Variants in ZZZ3 observed in about 807,000 individuals in gnomAD.
ZZZ3 encodes zinc finger ZZ-type containing 3, also known as ZZ-type zinc finger-containing protein 3.
Under a neutral mutation model 95.2 loss-of-function variants are expected in ZZZ3, and 22 were observed. The observed-to-expected ratio is 0.23, with a 90% CI of 0.17 to 0.33. ZZZ3 has a LOEUF of 0.33. ZZZ3 is among the 10% of genes least tolerant of loss of function. The pLI, the probability that ZZZ3 is intolerant of heterozygous loss-of-function variation, is 1.00. For synonymous variants in ZZZ3, 335 were observed against 358.9 expected, an observed-to-expected ratio of 0.93 and a Z score of 0.75; for missense variants, 885 against 1,066.5, an observed-to-expected ratio of 0.83 and a Z score of 2.37.
At chr1:77,568,783 G>A (rs1262392600) in intron 12 of ZZZ3, among the ~76,000 whole-genome samples, 3 of 151,622 alleles carry the variant, frequency 2.0e-5, no homozygotes, top group Admixed American at 6.6e-5. Context: ...ATATTTTCAC[G>A]GTTACTTGAG....
chr1:77,631,014 C>G (rs1667757260), intron 5 of ZZZ3, among the ~76,000 whole-genome samples: 1 of 152,158 alleles, frequency 6.6e-6, no homozygotes, highest in Non-Finnish European at 1.5e-5. Context: ...TGTTGCTAAT[C>G]ATGATATTTA....
chr1:77,613,968 A>G (rs1227780260), intron 5 of ZZZ3, among the ~76,000 whole-genome samples: 1 of 152,212 alleles, frequency 6.6e-6, no homozygotes, highest in East Asian at 1.9e-4. Context: ...CCTCTGATGC[A>G]GACTGCATGA....
chr1:77,632,262 T>C lies in ZZZ3; in HGVS notation c.1093A>G (p.Met365Val), dbSNP rs149055318. ...SPVLDCVSAQ[M>V]MSLSEPQEHR... ...TCTTGAGGTTCTGATAAAGACATCATTTGAGCTGAAACACAGTCTAGAACA... is the reference window on the plus strand; with the variant it reads ...TCTTGAGGTTCTGATAAAGACATCACTTGAGCTGAAACACAGTCTAGAACA... The change falls in exon 5 of 15, where the codon ATG (methionine) becomes GTG (valine). Residue 365 changes from methionine (M) to valine (V), a missense_variant. Transcript: ENST00000370801. 2 of 1,614,080 alleles carry C rather than the reference T, an allele frequency of 1.2e-6. No homozygotes were observed. The highest frequency in any genetic ancestry group is 1.7e-6 in the Non-Finnish European group (2 of 1,180,012).
chr1:77,583,500 C>A (rs1662745861), intron 6 of ZZZ3, among the ~76,000 whole-genome samples: 1 of 152,020 alleles, frequency 6.6e-6, no homozygotes, highest in Non-Finnish European at 1.5e-5. Flanking sequence ...AACATATAGG[C>A]TCTATATCTA....
At position 77,578,812 on chromosome 1, in the gene ZZZ3, G is replaced by A; in HGVS notation, c.2140C>T (p.Pro714Ser). ...IKLTKAGIPV[P>S]GRTPNLYIYS... is the part of the protein sequence containing the mutation. ...ATATATAAGTTTGGTGTTCTGCCTGGTACTGGAATGCCAGCTTTAGTTAGC... is the reference window on the plus strand; with the variant it reads ...ATATATAAGTTTGGTGTTCTGCCTGATACTGGAATGCCAGCTTTAGTTAGC... The change falls in exon 11 of 15, where the codon CCA (proline) becomes TCA (serine). Residue 714 changes from proline to serine, a missense_variant. Pro to Ser is a moderately conservative substitution (Grantham distance 74). Coordinates refer to ENST00000370801, the MANE Select transcript of ZZZ3 (RefSeq NM_015534.6). 1 of 1,573,700 alleles carries A rather than the reference G, an allele frequency of 6.4e-7. No individual in the cohort carries two copies. The highest frequency in any genetic ancestry group is 8.6e-7 in the Non-Finnish European group (1 of 1,163,032).
rs1660721514 is a variant in ZZZ3 at position 77,565,324 on chromosome 1, C to G, written c.*316G>C. 1 of 216,112 alleles carries G rather than the reference C, an allele frequency of 4.6e-6. No homozygotes were observed. The highest frequency in any genetic ancestry group is 1.7e-4 in the South Asian group (1 of 5,950). 13.4% of individuals were successfully genotyped at this position (216,112 alleles called of 1,614,324 possible). On this transcript the variant is annotated 3_prime_UTR_variant, in exon 15 of 15. Transcript: ENST00000370801. ...TCATTATCATATTTATGACCAAGTTCTTTGAAACCTTTGGAATTTACTCTC... is the reference window on the plus strand; with the variant it reads ...TCATTATCATATTTATGACCAAGTTGTTTGAAACCTTTGGAATTTACTCTC...
At chr1:77,576,889 C>G (rs191999731) in intron 11 of ZZZ3, among the ~76,000 whole-genome samples, 1 of 152,202 alleles carries the variant, frequency 6.6e-6, no homozygotes, top group Non-Finnish European at 1.5e-5. Flanking sequence ...GTTGGACAAG[C>G]TTGCTCTATG....
At chr1:77,672,591 C>T (rs922695946) in intron 1 of ZZZ3, among the ~76,000 whole-genome samples, 6 of 152,134 alleles carry the variant, frequency 3.9e-5, no homozygotes, top group African/African-American at 1.4e-4. Flanking sequence ...GGGCAGAGCC[C>T]AGAAATCTAT....
At chr1:77,643,530 T>A (rs1040460426) in intron 1 of ZZZ3, among the ~76,000 whole-genome samples, 1 of 152,246 alleles carries the variant, frequency 6.6e-6, no homozygotes, top group Non-Finnish European at 1.5e-5. Context: ...TCTTATTTAT[T>A]CCCTTGGAAC....
At chr1:77,638,088 T>C (rs1668454920) in intron 4 of ZZZ3, among the ~76,000 whole-genome samples, 1 of 152,206 alleles carries the variant, frequency 6.6e-6, no homozygotes, top group South Asian at 2.1e-4. Context: ...ATGGTTGCAC[T>C]TTCTAGAATT....
At chr1:77,681,062 A>G (rs1004449028) in intron 1 of ZZZ3, among the ~76,000 whole-genome samples, 2 of 152,190 alleles carry the variant, frequency 1.3e-5, no homozygotes, top group African/African-American at 4.8e-5. Flanking sequence ...TCACTAAATA[A>G]AAATTTAATT....
chr1:77,620,833 C>T (rs946301503), intron 5 of ZZZ3, among the ~76,000 whole-genome samples: 1 of 152,100 alleles, frequency 6.6e-6, no homozygotes, highest in Non-Finnish European at 1.5e-5. Context: ...ATTTAAGCCA[C>T]AGCAGTGAGT....
intron 5 of ZZZ3, among the ~76,000 whole-genome samples, chr1:77,619,535 G>A (rs1666645383): frequency 6.6e-6 from 1 of 152,058 alleles, no homozygotes; most frequent in Non-Finnish European, 1.5e-5. Context: ...GGCTTCTAAT[G>A]CCTACTGGCA....
chr1:77,566,309 A>G (rs7552291), intron 13 of ZZZ3, 128 bp from the exon 14 acceptor site: 372,216 of 553,276 alleles, frequency 0.67, 129,172 homozygotes, highest in Admixed American at 0.74. Flanking sequence ...GGACAGTAAT[A>G]TAACACACAA....
intron 1 of ZZZ3, among the ~76,000 whole-genome samples, chr1:77,666,947 C>A (rs1671300109): frequency 6.6e-6 from 1 of 151,990 alleles, no homozygotes; most frequent in Non-Finnish European, 1.5e-5. Flanking sequence ...AGGGAACAGG[C>A]CATGAAAATA....
intron 4 of ZZZ3, among the ~76,000 whole-genome samples, chr1:77,635,530 T>G (rs1281549783): frequency 6.6e-6 from 1 of 152,234 alleles, no homozygotes; most frequent in Non-Finnish European, 1.5e-5. Context: ...GTTTCTTTCA[T>G]GGGTAACAAA....
intron 1 of ZZZ3, among the ~76,000 whole-genome samples, chr1:77,642,284 G>A (rs190863498): frequency 2.0e-5 from 3 of 152,240 alleles, no homozygotes; most frequent in African/African-American, 7.2e-5. Context: ...GCACCGTACA[G>A]AATTTTAAGT....
chr1:77,609,319 C>G (rs1188886680), intron 5 of ZZZ3, among the ~76,000 whole-genome samples: 1 of 152,036 alleles, frequency 6.6e-6, no homozygotes, highest in Non-Finnish European at 1.5e-5. Context: ...ATGAAGGGAT[C>G]AATTCAGCAA....
chr1:77,623,875 G>A (rs1667099757), intron 5 of ZZZ3, among the ~76,000 whole-genome samples: 1 of 151,214 alleles, frequency 6.6e-6, no homozygotes, highest in Admixed American at 6.6e-5. Context: ...GCTTTCCACA[G>A]TAAAAGAAAT....
Sources: gnomAD v4.1 joint callset for allele counts (sites outside exome capture counted in the v4.1 genomes callset) on GRCh38, gnomAD v4.1.1 for gene constraint, MANE v1.5 for transcripts, NCBI Gene and HGNC (gene_info 2026-07-23, HGNC 2026-07-21) for gene names.